Variants in SH3BP1 observed in about 807,000 individuals in gnomAD.
The protein encoded by SH3BP1 is SH3 domain-binding protein 1.
SH3BP1 carries 46 observed loss-of-function variants against 69.8 expected under a neutral mutation model. The observed-to-expected ratio is 0.66, with a 90% CI of 0.52 to 0.84. The LOEUF is 0.84. Among genes scored for constraint, SH3BP1 ranks in the 40% least tolerant of loss-of-function variants. The probability of loss-of-function intolerance (pLI) is 0.00; values close to 1 mark genes in which losing one functional copy is unlikely to be tolerated. For synonymous variants in SH3BP1, 403 were observed against 378.0 expected, an observed-to-expected ratio of 1.07 and a Z score of -0.77; for missense variants, 868 against 930.9, an observed-to-expected ratio of 0.93 and a Z score of 0.88.
Position 37,653,790 on chromosome 22 carries a change from AG to A in SH3BP1, c.1612del (p.Val538CysfsTer120). The stretch of plus-strand genomic sequence containing the variant: ...CCTTCCCTCTGCAGGACAGAGTCTG[AG>A]GTGCCTCCCAGACCAGCCTCCCCCA... ...SAATKERTES[E>X]VPPRPASPKV... On this transcript the variant is annotated frameshift_variant, in exon 17 of 18. Transcript: ENST00000649765. LOFTEE classifies it high-confidence loss of function. The A allele has an allele frequency of 6.2e-7, 1 of 1,611,838 alleles. No homozygotes were observed. Among genetic ancestry groups the A allele is most frequent in the South Asian group, 1.1e-5 (1 of 90,918 alleles).
At chr22:37,640,123 G>A (rs1932529961) in intron 1 of SH3BP1, among the ~76,000 whole-genome samples, 2 of 152,322 alleles carry the variant, frequency 1.3e-5, no homozygotes, top group Non-Finnish European at 2.9e-5. Context: ...CTAGGACGCT[G>A]GGACTTCTCT....
At chr22:37,648,680 G>A in intron 14 of SH3BP1, 2 of 436,282 alleles carry the variant, frequency 4.6e-6, no homozygotes, top group East Asian at 3.6e-5. Context: ...TGGGGGAGCT[G>A]GGAGCCCAGA....
intron 4 of SH3BP1, 30 bp from the exon 5 acceptor site, chr22:37,642,865 G>T (rs767463520): frequency 5.0e-6 from 8 of 1,601,750 alleles, no homozygotes; most frequent in Non-Finnish European, 2.6e-6. Context: ...GGCAGCGGGC[G>T]CCTGGACCCA....
chr22:37,644,217 A>G (rs1249571169), intron 7 of SH3BP1, among the ~76,000 whole-genome samples: 5 of 152,126 alleles, frequency 3.3e-5, no homozygotes, highest in Non-Finnish European at 7.4e-5. Flanking sequence ...GTCTCTACTA[A>G]AAATACAAAA....
At chr22:37,645,859 C>A (rs1299167499) in intron 10 of SH3BP1, among the ~76,000 whole-genome samples, 1 of 152,124 alleles carries the variant, frequency 6.6e-6, no homozygotes, top group African/African-American at 2.4e-5. Flanking sequence ...AATACATTGC[C>A]CCCCTGTCCT....
At chr22:37,648,103 A>T (rs1218457162) in intron 13 of SH3BP1, among the ~76,000 whole-genome samples, 1 of 152,190 alleles carries the variant, frequency 6.6e-6, no homozygotes, top group African/African-American at 2.4e-5. Context: ...GAAAATGCAG[A>T]CTGTAACAAT....
At chr22:37,654,584 A>G (rs1932964646) in intron 17 of SH3BP1, among the ~76,000 whole-genome samples, 1 of 151,458 alleles carries the variant, frequency 6.6e-6, no homozygotes, top group Non-Finnish European at 1.5e-5. Flanking sequence ...AAAAAAAAAA[A>G]GAAAAAAGGC....
At position 37,644,963 on chromosome 22, in the gene SH3BP1, G is replaced by A; in HGVS notation, c.778+3G>A. 1 of 1,613,460 alleles carries A rather than the reference G, an allele frequency of 6.2e-7. No individual in the cohort carries two copies. The highest frequency in any genetic ancestry group is 1.1e-5 in the South Asian group (1 of 91,038). On this transcript the variant is annotated splice_donor_region_variant and intron_variant, in intron 9 of 17. Transcript: ENST00000649765. ...GAGGGAGAACCACGGCCAAGCAGGT[G>A]GGGACATAGGCCCGGCGATACCACA... is the stretch of plus-strand genomic sequence containing the variant.
intron 14 of SH3BP1, 129 bp from the exon 15 acceptor site, chr22:37,650,023 G>A: frequency 3.1e-6 from 3 of 981,898 alleles, no homozygotes; most frequent in South Asian, 2.6e-5. Context: ...ATCAACTGGT[G>A]GTTTGTGGGC....
At chr22:37,642,764 G>C (rs1932648273) in intron 4 of SH3BP1, 131 bp from the exon 5 acceptor site, 1 of 1,598,488 alleles carries the variant, frequency 6.3e-7, no homozygotes, top group African/African-American at 1.3e-5. Context: ...AGGCCTGGGA[G>C]GGTGTTCAGC....
At chr22:37,653,443 A>C (rs1395635754) in intron 16 of SH3BP1, among the ~76,000 whole-genome samples, 1 of 152,088 alleles carries the variant, frequency 6.6e-6, no homozygotes, top group Non-Finnish European at 1.5e-5. Context: ...CTCAAGAAAA[A>C]AAACCACATG....
At chr22:37,645,027 C>T (rs1932758543) in intron 9 of SH3BP1, 67 bp downstream of exon 9, 3 of 1,386,352 alleles carry the variant, frequency 2.2e-6, no homozygotes, top group Non-Finnish European at 3.0e-6. Context: ...TTGAGAAGCT[C>T]GCACTTCATC....
intron 1 of SH3BP1, among the ~76,000 whole-genome samples, chr22:37,640,143 A>T (rs2146040409): frequency 6.6e-6 from 1 of 152,212 alleles, no homozygotes; most frequent in South Asian, 2.1e-4. Flanking sequence ...TGCCTCCACG[A>T]GTCTCTAAGT....
chr22:37,639,889 A>T, intron 1 of SH3BP1, 43 bp downstream of exon 1: 5 of 1,467,516 alleles, frequency 3.4e-6, no homozygotes, highest in Non-Finnish European at 4.6e-6. Flanking sequence ...CCCCGGCAGG[A>T]CTTGAGGGGT....
In SH3BP1 at chr22:37,642,580, G is replaced by C; in HGVS notation, c.249G>C (p.Glu83Asp). Residue 83 changes from glutamate (E) to aspartate (D), a missense_variant, in exon 4 of 18, where the codon GAG (glutamate) becomes GAC (aspartate). This residue lies in a region of SH3BP1 where 387 missense variants were observed against 447.9 expected (regional missense o/e 0.86). Coordinates refer to ENST00000649765, the MANE Select transcript of SH3BP1 (RefSeq NM_018957.6). ...PLMALSTTMA[E>D]SFKELDPDSS... The stretch of plus-strand genomic sequence containing the variant: ...TGGCTCTGTCCACCACGATGGCTGA[G>C]AGCTTCAAGGAGCTGGACCCTGATT... 3.1e-6 allele frequency: 5 copies of C among 1,613,396 alleles called. No homozygotes were observed. Among genetic ancestry groups the C allele is most frequent in the Non-Finnish European group, 4.2e-6 (5 of 1,179,998 alleles).
chr22:37,641,135 G>C lies in SH3BP1; in HGVS notation c.69G>C (p.Glu23Asp), dbSNP rs1932575316. 8 of 1,437,868 alleles carry C rather than the reference G, an allele frequency of 5.6e-6. No homozygotes were observed. The highest frequency in any genetic ancestry group is 1.2e-5 in the South Asian group (1 of 82,038). 89.1% of individuals were successfully genotyped at this position (1,437,868 alleles called of 1,614,324 possible). A position where few individuals can be genotyped will look rare whatever the true frequency, so the allele number is the denominator to read the frequency against. Residue 23 changes from glutamate (E) to aspartate (D), a missense_variant, in exon 2 of 18, where the codon GAG (glutamate) becomes GAC (aspartate). By Grantham distance (45) the Glu-to-Asp change is conservative. Coordinates refer to ENST00000649765, the MANE Select transcript of SH3BP1 (RefSeq NM_018957.6). ...AQTGSLGRTPETAEFLGEDLL... is the reference protein window; with the variant it reads ...AQTGSLGRTPDTAEFLGEDLL... ...CCACCACTCCCCGCAGCACCCCGGAGACCGCTGAGTTCCTGGGTGAGGACC... is the reference window on the plus strand; with the variant it reads ...CCACCACTCCCCGCAGCACCCCGGACACCGCTGAGTTCCTGGGTGAGGACC...
intron 14 of SH3BP1, chr22:37,648,990 A>G (rs1932831956): frequency 6.5e-6 from 1 of 154,520 alleles, no homozygotes; most frequent in Non-Finnish European, 1.4e-5. Context: ...GGTGTGAGCC[A>G]TCGCGCCCCA....
At chr22:37,644,250 G>T (rs1932731427) in intron 7 of SH3BP1, among the ~76,000 whole-genome samples, 1 of 152,044 alleles carries the variant, frequency 6.6e-6, no homozygotes, top group African/African-American at 2.4e-5. Context: ...GTAGTGGCGG[G>T]CGCCTGTAAT....
At position 37,652,717 on chromosome 22, in the gene SH3BP1, C is replaced by T. The variant is rs373443812; in HGVS notation, c.1599-1062C>T. On this transcript the variant is annotated intron_variant, in intron 16 of 17. Coordinates refer to ENST00000649765, the MANE Select transcript of SH3BP1 (RefSeq NM_018957.6). ...GTGCGCACCTGTAATCCCAGCTACT[C>T]GGGAGGCTGAGGCAGGAGAATGGCT... Among the ~76,000 whole-genome samples the T allele has an allele frequency of 7.4e-5, 11 of 149,128 alleles. No individual in the cohort carries two copies. In the East Asian group the frequency reaches 1.4e-3, roughly 19 times the overall value.
Sources: gnomAD v4.1 joint callset for allele counts (sites outside exome capture counted in the v4.1 genomes callset) on GRCh38, gnomAD v4.1.1 for gene constraint, gnomAD v4.1.1 regional missense constraint, MANE v1.5 for transcripts, NCBI Gene and HGNC (gene_info 2026-07-23, HGNC 2026-07-21) for gene names.